The following RORA variants were observed in gnomAD, a reference collection of about 807,000 sequenced individuals.
The protein encoded by RORA is nuclear receptor ROR-alpha.
RORA carries 7 observed loss-of-function variants against 69.5 expected under a neutral mutation model. The observed-to-expected ratio is 0.10, with a 90% CI of 0.06 to 0.19. The LOEUF is 0.19. RORA is among the 10% of genes least tolerant of loss of function. The probability of loss-of-function intolerance (pLI) is 1.00; values close to 1 mark genes in which losing one functional copy is unlikely to be tolerated. For synonymous variants in RORA, 261 were observed against 240.8 expected (o/e 1.08, Z -0.78); for missense variants, 457 against 663.0 (o/e 0.69, Z 3.41).
chr15:60,561,972 T>G (rs1333093039), intron 2 of RORA, among the ~76,000 whole-genome samples: 2 of 152,132 alleles, frequency 1.3e-5, no homozygotes, highest in Non-Finnish European at 2.9e-5. Context: ...AGACGGAGTT[T>G]TGCTCTTGAT....
At chr15:60,856,595 G>T (rs999975743) in intron 1 of RORA, among the ~76,000 whole-genome samples, 7 of 150,716 alleles carry the variant, frequency 4.6e-5, no homozygotes, top group Non-Finnish European at 1.0e-4. Flanking sequence ...TTTACAACTT[G>T]AAAAAAAATG....
At chr15:60,823,037 CCT>C (rs1157820321) in intron 1 of RORA, among the ~76,000 whole-genome samples, 11 of 148,862 alleles carry the variant, frequency 7.4e-5, no homozygotes, top group Non-Finnish European at 1.3e-4. Flanking sequence ...TCCTTCCTTC[CCT>C]CTCTTTCTCT....
At chr15:60,850,975 T>C (rs341409) in intron 1 of RORA, among the ~76,000 whole-genome samples, 135,899 of 152,230 alleles carry the variant, frequency 0.89, 61,238 homozygotes, top group East Asian at 1. Context: ...TCTTTTTCCC[T>C]CACACAAAGC....
chr15:60,835,005 T>G (rs2073097735), intron 1 of RORA, among the ~76,000 whole-genome samples: 1 of 152,136 alleles, frequency 6.6e-6, no homozygotes, highest in South Asian at 2.1e-4. Context: ...TTCCTAGATA[T>G]ATTTAGAGCT....
intron 1 of RORA, among the ~76,000 whole-genome samples, chr15:61,071,529 GAA>G: frequency 6.9e-5 from 1 of 14,562 alleles, no homozygotes; most frequent in Non-Finnish European, 1.2e-4. Context: ...AGGGGAGGGG[GAA>G]GCGGTGGGGA....
At chr15:60,755,156 C>T (rs2071780817) in intron 1 of RORA, among the ~76,000 whole-genome samples, 2 of 130,786 alleles carry the variant, frequency 1.5e-5, no homozygotes, top group South Asian at 5.6e-4. Flanking sequence ...CACAACAGGC[C>T]CCGGTGTGTG....
At chr15:61,068,182 G>C (rs74020836) in intron 1 of RORA, among the ~76,000 whole-genome samples, 58 of 152,294 alleles carry the variant, frequency 3.8e-4, no homozygotes, top group African/African-American at 1.3e-3. Context: ...GGTTCATATG[G>C]ATGCTCTTCA....
intron 1 of RORA, among the ~76,000 whole-genome samples, chr15:60,927,706 G>A (rs1299560243): frequency 6.6e-6 from 1 of 152,150 alleles, no homozygotes; most frequent in Non-Finnish European, 1.5e-5. Context: ...CCTGAGAGGT[G>A]GAGGTTGCAA....
chr15:61,133,850 T>C (rs1260246557), intron 1 of RORA, among the ~76,000 whole-genome samples: 2 of 152,180 alleles, frequency 1.3e-5, no homozygotes, highest in African/African-American at 4.8e-5. Context: ...TCCTACTGCA[T>C]CATCAGGCTC....
chr15:60,757,028 G>A (rs1434486830), intron 1 of RORA, among the ~76,000 whole-genome samples: 5 of 152,000 alleles, frequency 3.3e-5, no homozygotes, highest in Non-Finnish European at 5.9e-5. Context: ...CTAAAATGAC[G>A]CATACATTTT....
intron 2 of RORA, among the ~76,000 whole-genome samples, chr15:60,665,686 T>C (rs968690383): frequency 6.6e-6 from 1 of 152,152 alleles, no homozygotes; most frequent in African/African-American, 2.4e-5. Flanking sequence ...TAAATACCTA[T>C]TCTTTCTTTC....
intron 3 of RORA, among the ~76,000 whole-genome samples, chr15:60,515,258 G>A (rs943422261): frequency 1.1e-4 from 16 of 152,150 alleles, no homozygotes; most frequent in Non-Finnish European, 1.8e-4. Context: ...CCCTTTAGGC[G>A]TTTCTCACTC....
At chr15:61,100,634 C>T (rs1261024302) in intron 1 of RORA, among the ~76,000 whole-genome samples, 1 of 152,138 alleles carries the variant, frequency 6.6e-6, no homozygotes, top group Non-Finnish European at 1.5e-5. Context: ...TGGGACCATT[C>T]ATTTGGCATG....
intron 1 of RORA, among the ~76,000 whole-genome samples, chr15:60,694,761 A>G (rs1345917022): frequency 6.6e-6 from 1 of 152,180 alleles, no homozygotes; most frequent in African/African-American, 2.4e-5. Flanking sequence ...CAGCACTCTC[A>G]AGGCCTTTAC....
At chr15:60,808,052 A>C (rs1442780102) in intron 1 of RORA, among the ~76,000 whole-genome samples, 1 of 152,250 alleles carries the variant, frequency 6.6e-6, no homozygotes, top group Non-Finnish European at 1.5e-5. Flanking sequence ...AAGCAAATGC[A>C]ACAAAAACAA....
chr15:60,970,465 A>G (rs1314235995), intron 1 of RORA, among the ~76,000 whole-genome samples: 4 of 152,192 alleles, frequency 2.6e-5, no homozygotes, highest in African/African-American at 9.7e-5. Context: ...TCCTGGGGAT[A>G]TAGAATGCAA....
At chr15:60,786,391 T>C (rs1445457170) in intron 1 of RORA, among the ~76,000 whole-genome samples, 2 of 152,250 alleles carry the variant, frequency 1.3e-5, no homozygotes, top group Admixed American at 1.3e-4. Flanking sequence ...ATCCACCTCC[T>C]TAACCAACTC....
At chr15:60,730,183 T>A (rs1201901864) in intron 1 of RORA, among the ~76,000 whole-genome samples, 1 of 152,188 alleles carries the variant, frequency 6.6e-6, no homozygotes, top group Non-Finnish European at 1.5e-5. Flanking sequence ...CAGGAGAAGA[T>A]CTGTACTAGA....
chr15:60,733,673 T>C (rs2071458099), intron 1 of RORA, among the ~76,000 whole-genome samples: 1 of 152,178 alleles, frequency 6.6e-6, no homozygotes, highest in Non-Finnish European at 1.5e-5. Context: ...ACTGAGCTTC[T>C]GGAAGGCAAA....
Sources: allele counts gnomAD v4.1 joint callset (sites outside exome capture counted in the v4.1 genomes callset), GRCh38; gene constraint gnomAD v4.1.1; transcripts MANE v1.5; gene names NCBI Gene and HGNC (gene_info 2026-07-23, HGNC 2026-07-21).